Variants in PARP1 observed in about 807,000 individuals in gnomAD.
PARP1 encodes the protein poly(ADP-ribose) polymerase 1.
In PARP1, 44 loss-of-function variants were observed where a neutral mutation model predicts 118.7. The observed-to-expected ratio is 0.37, with a 90% CI of 0.29 to 0.48. The LOEUF is 0.48. PARP1 is among the 20% of genes least tolerant of loss of function. The pLI is 0.99. For synonymous variants in PARP1, 492 were observed against 483.2 expected, an observed-to-expected ratio of 1.02 and a Z score of -0.24; for missense variants, 1,100 against 1,272.4, an observed-to-expected ratio of 0.86 and a Z score of 2.06.
Position 226,392,190 on chromosome 1 carries a change from A to C in PARP1, c.402+9T>G. ...TAAAGTTCAGGGATCTGGGCCCCCA[A>C]GATCTTACCTTTTCTATCTTCTCCA... On this transcript the variant is annotated intron_variant, in intron 3 of 22. Coordinates refer to ENST00000366794, the MANE Select transcript of PARP1 (RefSeq NM_001618.4). The C allele has an allele frequency of 1.3e-6, 2 of 1,573,012 alleles. No individual in the cohort carries two copies. Among genetic ancestry groups the C allele is most frequent in the Non-Finnish European group, 1.8e-6 (2 of 1,142,400 alleles).
chr1:226,370,309 G>T, intron 15 of PARP1, 125 bp downstream of exon 15: 1 of 781,514 alleles, frequency 1.3e-6, no homozygotes, highest in Non-Finnish European at 2.3e-6. Flanking sequence ...AAACCCTCGT[G>T]AAGTGCAGTT....
chr1:226,369,411 G>T (rs916389336), intron 15 of PARP1, among the ~76,000 whole-genome samples: 3 of 152,202 alleles, frequency 2.0e-5, no homozygotes, highest in African/African-American at 7.2e-5. Context: ...GACCTTGAAA[G>T]ATGCTCAAAG....
chr1:226,382,189 C>A (rs188427108), intron 8 of PARP1, among the ~76,000 whole-genome samples: 20 of 152,348 alleles, frequency 1.3e-4, no homozygotes, highest in African/African-American at 4.8e-4. Flanking sequence ...CTGTGACCTT[C>A]ACCAATAGAC....
At chr1:226,370,857 A>G in intron 14 of PARP1, 1 of 326,086 alleles carries the variant, frequency 3.1e-6, no homozygotes, top group East Asian at 6.7e-5. Flanking sequence ...GGGCTCATAA[A>G]TCATGCTGAC....
In PARP1 at chr1:226,393,124, A is replaced by G. The variant is rs545020318; in HGVS notation, c.287-810T>C. On this transcript the variant is annotated intron_variant, in intron 2 of 22. Transcript: ENST00000366794. Reference sequence around the variant, plus strand: ...AATCTATTTTAAAACCTACTAAATTAAGTGAATTTAGCAAATACGCAGGGC... The same window carrying G: ...AATCTATTTTAAAACCTACTAAATTGAGTGAATTTAGCAAATACGCAGGGC... The G allele has an allele frequency of 5.7e-5, 45 of 795,470 alleles. No individual in the cohort carries two copies. In the African/African-American group the frequency reaches 7.2e-4, roughly 13 times the overall value. The allele number at this position is 795,470 out of a possible 1,614,324, so 49.3% of individuals were successfully genotyped here. A position where few individuals can be genotyped will look rare whatever the true frequency, so the allele number is the denominator to read the frequency against.
At position 226,376,443 on chromosome 1, in the gene PARP1, CAA is replaced by C. The variant is rs888488748; in HGVS notation, c.1941+663_1941+664del. 1.5e-3 allele frequency among the ~76,000 whole-genome samples: 236 copies of C among 152,270 alleles called. 1 individual carries two copies. The highest frequency in any genetic ancestry group is 4.8e-3 in the African/African-American group (200 of 41,554). The stretch of plus-strand genomic sequence containing the variant: ...TAAAGTGTGACCTAGCAGAGCAGGT[CAA>C]GTTACTATAATTCTGTCATGACAGA... On this transcript the variant is annotated intron_variant, in intron 13 of 22. Transcript: ENST00000366794.
At position 226,380,106 on chromosome 1, in the gene PARP1, A is replaced by C; in HGVS notation, c.1359T>G (p.Val453=). The C allele has an allele frequency of 6.2e-7, 1 of 1,614,102 alleles. No homozygotes were observed. ...MEEVKEANIR[V]VSEDFLQDVS... ...CGTCCTGGAGGAAGTCCTCAGACACAACTCGGATGTTGGCTTCCTTTACTT... is the reference window on the plus strand; with the variant it reads ...CGTCCTGGAGGAAGTCCTCAGACACCACTCGGATGTTGGCTTCCTTTACTT... Residue 453 remains valine (V), a synonymous_variant, in exon 10 of 23, where the codon GTT becomes GTG. Coordinates refer to ENST00000366794, the MANE Select transcript of PARP1 (RefSeq NM_001618.4).
chr1:226,382,913 T>G, intron 8 of PARP1, 123 bp downstream of exon 8: 2 of 1,105,314 alleles, frequency 1.8e-6, no homozygotes, highest in East Asian at 2.4e-5. Flanking sequence ...GGCTTCCCCA[T>G]GGTGGGGTCA....
chr1:226,404,656 C>T (rs901439427), intron 1 of PARP1, among the ~76,000 whole-genome samples: 2 of 152,230 alleles, frequency 1.3e-5, no homozygotes, highest in African/African-American at 4.8e-5. Context: ...CAAAGCAATG[C>T]TTTGCCCTAA....
intron 9 of PARP1, 50 bp downstream of exon 9, chr1:226,381,018 A>T: frequency 6.2e-7 from 1 of 1,606,114 alleles, no homozygotes; most frequent in Non-Finnish European, 8.5e-7. Context: ...CATCACAATC[A>T]TAAGATACAG....
At chr1:226,372,708 C>T (rs1664412262) in intron 14 of PARP1, among the ~76,000 whole-genome samples, 1 of 151,262 alleles carries the variant, frequency 6.6e-6, no homozygotes, top group South Asian at 2.1e-4. Flanking sequence ...CACAAAACAA[C>T]AACAAAAACA....
chr1:226,394,555 G>A (rs1378619139), intron 2 of PARP1, among the ~76,000 whole-genome samples: 1 of 152,158 alleles, frequency 6.6e-6, no homozygotes, highest in Admixed American at 6.5e-5. Context: ...CAGGTGCGTG[G>A]GATGTACAAG....
At chr1:226,404,276 T>C (rs1284910658) in intron 1 of PARP1, among the ~76,000 whole-genome samples, 3 of 152,222 alleles carry the variant, frequency 2.0e-5, no homozygotes, top group Non-Finnish European at 4.4e-5. Context: ...ACAAATGGCA[T>C]TTCTGAGAGC....
chr1:226,365,110 G>A lies in PARP1; in HGVS notation c.2550C>T (p.Pro850=), dbSNP rs373195352. The change falls in exon 19 of 23, where the codon CCC becomes CCT. Residue 850 remains proline (P), a synonymous_variant. Transcript: ENST00000366794. ...ATCTTCGGTTATGAAGCTGCTTAAA[G>A]GGCTTGTAACGCTGGCATTCGCCTT... ...EREGECQRYK[P]FKQLHNRRLL... The A allele has an allele frequency of 5.6e-6, 9 of 1,614,230 alleles. No homozygotes were observed. The highest frequency in any genetic ancestry group is 1.7e-5 in the Admixed American group (1 of 60,028).
At position 226,407,821 on chromosome 1, in the gene PARP1, T is replaced by A. The variant is rs1285064497; in HGVS notation, c.109A>T (p.Ile37Phe). The part of the protein sequence containing the change: ...SIPKDSLRMA[I>F]MVQSPMFDGK... ...ACAGCGGCCCGCACCTGCACCATGA[T>A]GGCCATCCGGAGCGAGTCCTTGGGG... Residue 37 changes from isoleucine (I) to phenylalanine (F), a missense_variant, in exon 1 of 23, where the codon ATC becomes TTC. Ile to Phe is a conservative substitution (Grantham distance 21). Transcript: ENST00000366794. The A allele has an allele frequency of 6.4e-7, 1 of 1,570,190 alleles. No individual in the cohort carries two copies. The highest frequency in any genetic ancestry group is 1.1e-5 in the South Asian group (1 of 86,992).
At chr1:226,400,006 C>A (rs953045907) in intron 2 of PARP1, among the ~76,000 whole-genome samples, 1 of 151,660 alleles carries the variant, frequency 6.6e-6, no homozygotes, top group East Asian at 1.9e-4. Context: ...CCGTCTCCAA[C>A]AACAACGAAA....
chr1:226,365,616 A>T (rs1664243615), intron 18 of PARP1, among the ~76,000 whole-genome samples: 1 of 152,086 alleles, frequency 6.6e-6, no homozygotes, highest in Non-Finnish European at 1.5e-5. Flanking sequence ...AAAATACAAA[A>T]ATTAGCAGAG....
At chr1:226,375,208 C>A (rs1438286229) in intron 13 of PARP1, among the ~76,000 whole-genome samples, 1 of 152,216 alleles carries the variant, frequency 6.6e-6, no homozygotes, top group African/African-American at 2.4e-5. Context: ...AGTAGACCTA[C>A]TCTCAGTGTT....
chr1:226,390,972 C>A (rs1294161675), intron 3 of PARP1, among the ~76,000 whole-genome samples: 3 of 150,602 alleles, frequency 2.0e-5, no homozygotes, highest in African/African-American at 4.9e-5. Flanking sequence ...TAGAGCCTTG[C>A]ACACCTGCGT....
Sources: allele counts gnomAD v4.1 joint callset (sites outside exome capture counted in the v4.1 genomes callset), GRCh38; gene constraint gnomAD v4.1.1; transcripts MANE v1.5; gene names NCBI Gene and HGNC (gene_info 2026-07-23, HGNC 2026-07-21).